Variants in YWHAB observed in about 807,000 individuals in gnomAD.
YWHAB encodes 14-3-3 protein beta/alpha.
Under a neutral mutation model 28.5 loss-of-function variants are expected in YWHAB, and 2 were observed. The ratio of observed to expected loss-of-function variants is 0.07; its 90% confidence interval spans 0.03 to 0.22. YWHAB has a LOEUF of 0.22. Ranked by LOEUF, YWHAB falls within the 10% of genes least tolerant of loss-of-function variation. The pLI is 1.00. For synonymous variants in YWHAB, 103 were observed against 104.7 expected (o/e 0.98, Z 0.10); for missense variants, 148 against 297.1 (o/e 0.50, Z 3.69).
intron 1 of YWHAB, among the ~76,000 whole-genome samples, chr20:44,894,506 A>C (rs1048129257): frequency 3.3e-5 from 5 of 152,216 alleles, no homozygotes; most frequent in African/African-American, 1.2e-4. Context: ...CATTTAACAT[A>C]TATGTCCATT....
chr20:44,901,503 C>CT, intron 1 of YWHAB, 28 bp from the exon 2 acceptor site: 1 of 1,551,140 alleles, frequency 6.4e-7, no homozygotes, highest in Non-Finnish European at 8.7e-7. Context: ...GACATTTGCT[C>CT]TTTCTTTTTC....
intron 2 of YWHAB, 138 bp from the exon 3 acceptor site, chr20:44,903,855 A>T: frequency 2.1e-6 from 2 of 959,090 alleles, no homozygotes; most frequent in Non-Finnish European, 1.5e-6. Context: ...AACAACATTT[A>T]GTAGCTTGGA....
At position 44,906,504 on chromosome 20, in the gene YWHAB, T is replaced by TA. The variant is rs775632748; in HGVS notation, c.*89dup. 9,955 of 357,578 alleles carry TA rather than the reference T, an allele frequency of 0.028. 25 individuals carry two copies. The highest frequency in any genetic ancestry group is 0.045 in the African/African-American group (1,414 of 31,544). 22.2% of individuals were successfully genotyped at this position (357,578 alleles called of 1,614,324 possible). A position where few individuals can be genotyped will look rare whatever the true frequency, so the allele number is the denominator to read the frequency against. On this transcript the variant is annotated 3_prime_UTR_variant, in exon 6 of 6. Transcript: ENST00000353703. ...CCCTCAACATATATCCCTTGTGCGA[T>TA]AAAAAAAAAAAAAAAAAAAAAAAGA...
chr20:44,897,776 T>C (rs1157139886), intron 1 of YWHAB, among the ~76,000 whole-genome samples: 6 of 152,380 alleles, frequency 3.9e-5, no homozygotes, highest in Non-Finnish European at 8.8e-5. Context: ...AGAGTATTTT[T>C]GATGTACTTG....
At chr20:44,892,603 A>T (rs1223045262) in intron 1 of YWHAB, among the ~76,000 whole-genome samples, 1 of 152,178 alleles carries the variant, frequency 6.6e-6, no homozygotes, top group African/African-American at 2.4e-5. Context: ...TTCAACACAC[A>T]TTGGATTATA....
At chr20:44,904,935 C>G (rs371129329) in intron 3 of YWHAB, 33 bp from the exon 4 acceptor site, 1 of 1,554,590 alleles carries the variant, frequency 6.4e-7, no homozygotes, top group African/African-American at 1.4e-5. Context: ...ATGAAAGAAC[C>G]GAGCCTTTAA....
rs575342424 is a variant in YWHAB at position 44,892,387 on chromosome 20, A to G, written c.-4+6501A>G. On this transcript the variant is annotated intron_variant, in intron 1 of 5. Transcript: ENST00000353703. Reference sequence around the variant, plus strand: ...TCTAGTTCTGTCTGGTTGGCTTTCTAAGGAGAGGCATTGTAACCCTTAAAC... The same window carrying G: ...TCTAGTTCTGTCTGGTTGGCTTTCTGAGGAGAGGCATTGTAACCCTTAAAC... Among the ~76,000 whole-genome samples, 374 of 151,928 alleles carry G rather than the reference A, an allele frequency of 2.5e-3. 2 individuals are homozygous for G. Among genetic ancestry groups the G allele is most frequent in the Non-Finnish European group, 3.4e-3 (230 of 67,942 alleles).
At chr20:44,891,116 T>G (rs774540641) in intron 1 of YWHAB, among the ~76,000 whole-genome samples, 6 of 152,078 alleles carry the variant, frequency 3.9e-5, no homozygotes, top group Admixed American at 1.3e-4. Context: ...GTAAGTAGAT[T>G]TGCCTATGTT....
rs142546535 is a variant in YWHAB at position 44,904,411 on chromosome 20, C to T, written c.424+295C>T. ...AGTGAACTTTTTATACTTGGTGGTA[C>T]GAAACTACCCTAGTGATGCATTGCA... On this transcript the variant is annotated intron_variant, in intron 3 of 5. Transcript: ENST00000353703. Among the ~76,000 whole-genome samples the T allele has an allele frequency of 6.6e-5, 10 of 152,228 alleles. No homozygotes were observed. In the East Asian group the frequency reaches 1.7e-3, roughly 26 times the overall value.
In YWHAB at chr20:44,904,974, T is replaced by A. The variant is rs2664553; in HGVS notation, c.431T>A (p.Val144Glu). Residue 144 changes from valine to glutamate, a missense_variant, in exon 4 of 6, where the codon GTG becomes GAG. Transcript: ENST00000353703. ...TTTCATCTTTATGTTACAGCCACTG[T>A]GTCGAACTCCCAGCAGGCTTACCAG... The part of the protein sequence containing the change: ...VASGDNKQTT[V>E]SNSQQAYQEA... The A allele has an allele frequency of 6.3e-7, 1 of 1,597,470 alleles. No individual in the cohort carries two copies. The highest frequency in any genetic ancestry group is 2.2e-5 in the East Asian group (1 of 44,496).
chr20:44,905,723 G>C, intron 4 of YWHAB: 1 of 288,626 alleles, frequency 3.5e-6, no homozygotes, highest in East Asian at 6.0e-5. Flanking sequence ...AATCACACGC[G>C]TTTGCCCAGA....
In YWHAB at chr20:44,891,755, G is replaced by T. The variant is rs956748104; in HGVS notation, c.-4+5869G>T. Among the ~76,000 whole-genome samples, 21 of 152,220 alleles carry T rather than the reference G, an allele frequency of 1.4e-4. 1 individual carries two copies. The highest frequency in any genetic ancestry group is 5.1e-4 in the African/African-American group (21 of 41,460). The stretch of plus-strand genomic sequence containing the variant: ...AACAGCTGATGTGAAAGAGGGAAGG[G>T]ATTTTGAAATAATAGAAATGCAGTT... On this transcript the variant is annotated intron_variant, in intron 1 of 5. Coordinates refer to ENST00000353703, the MANE Select transcript of YWHAB (RefSeq NM_139323.4).
At position 44,885,725 on chromosome 20, in the gene YWHAB, CG is replaced by C; in HGVS notation, c.-164del. 5.7e-6 allele frequency: 1 copy of C among 175,112 alleles called. No homozygotes were observed. The highest frequency in any genetic ancestry group is 1.2e-5 in the Non-Finnish European group (1 of 84,502). 10.8% of individuals were successfully genotyped at this position (175,112 alleles called of 1,614,324 possible). A position where few individuals can be genotyped will look rare whatever the true frequency, so the allele number is the denominator to read the frequency against. On this transcript the variant is annotated 5_prime_UTR_variant, in exon 1 of 6. Coordinates refer to ENST00000353703, the MANE Select transcript of YWHAB (RefSeq NM_139323.4). ...GGAGCGGAAGTGGAGCTACCGCCAC[CG>C]CCGCCGCCGATTCCGGAGCCGGGGT...
At chr20:44,897,467 CTT>C (rs2066602654) in intron 1 of YWHAB, among the ~76,000 whole-genome samples, 1 of 152,116 alleles carries the variant, frequency 6.6e-6, no homozygotes, top group African/African-American at 2.4e-5. Flanking sequence ...TGAAAGTTGG[CTT>C]CTTTCTGGTG....
chr20:44,891,889 A>G (rs73108211), intron 1 of YWHAB, among the ~76,000 whole-genome samples: 14 of 152,344 alleles, frequency 9.2e-5, no homozygotes, highest in Non-Finnish European at 1.3e-4. Flanking sequence ...ATGGAATTAA[A>G]TTTATTACAG....
rs1414954961 is a variant in YWHAB, at chr20:44,903,979, T to C, written c.301-14T>C. ...GTGAATAATTCTAAATTCTTAACAA[T>C]GTTCATTTTTTAGGAGCTGTTGGAC... is the stretch of plus-strand genomic sequence containing the variant. On this transcript the variant is annotated splice_polypyrimidine_tract_variant and intron_variant, in intron 2 of 5. Transcript: ENST00000353703. The C allele has an allele frequency of 1.3e-6, 2 of 1,593,034 alleles. No homozygotes were observed. The highest frequency in any genetic ancestry group is 2.3e-5 in the East Asian group (1 of 44,168).
intron 4 of YWHAB, chr20:44,905,490 G>C: frequency 5.6e-6 from 1 of 178,972 alleles, no homozygotes; most frequent in Non-Finnish European, 1.2e-5. Flanking sequence ...TTGTGTGTTG[G>C]ATTACCTTCC....
Position 44,906,693 on chromosome 20 carries a change from A to G in YWHAB, c.*255A>G, listed in dbSNP as rs373541930. The G allele has an allele frequency of 4.8e-5, 13 of 268,166 alleles. No homozygotes were observed. Among genetic ancestry groups the G allele is most frequent in the East Asian group, 3.2e-4 (5 of 15,826 alleles). 16.6% of individuals were successfully genotyped at this position (268,166 alleles called of 1,614,324 possible). A position where few individuals can be genotyped will look rare whatever the true frequency, so the allele number is the denominator to read the frequency against. On this transcript the variant is annotated 3_prime_UTR_variant, in exon 6 of 6. Coordinates refer to ENST00000353703, the MANE Select transcript of YWHAB (RefSeq NM_139323.4). ...ACATTGACAGGATTACTGTGTGTTT[A>G]ATTTTTTAAAAACTGAACACTGTGA...
intron 1 of YWHAB, among the ~76,000 whole-genome samples, chr20:44,894,329 A>C (rs974765978): frequency 1.3e-5 from 2 of 152,210 alleles, no homozygotes; most frequent in Non-Finnish European, 2.9e-5. Context: ...CGATGAGACT[A>C]TAGTCTTTCA....
Sources: allele counts gnomAD v4.1 joint callset (sites outside exome capture counted in the v4.1 genomes callset), GRCh38; gene constraint gnomAD v4.1.1; transcripts MANE v1.5; gene names NCBI Gene and HGNC (gene_info 2026-07-23, HGNC 2026-07-21).